DNAH14: variants seen among roughly 807,000 people sequenced by gnomAD.
DNAH14 encodes the protein dynein axonemal heavy chain 14, also known as axonemal beta dynein heavy chain 14.
DNAH14 carries 478 observed loss-of-function variants against 520.9 expected under a neutral mutation model. The ratio of observed to expected loss-of-function variants is 0.92; its 90% CI spans 0.85 to 0.99. The LOEUF is 0.99. Ranked by LOEUF, DNAH14 falls within the 50% of genes least tolerant of loss-of-function variation. The pLI is 0.00. For missense variants in DNAH14, 4,831 were observed against 5,234.5 expected (o/e 0.92, Z 2.38); for synonymous variants, 1,581 against 1,757.2 (o/e 0.90, Z 2.51).
intron 11 of DNAH14, among the ~76,000 whole-genome samples, chr1:225,033,226 CT>C (rs1367518253): frequency 1.3e-5 from 2 of 152,104 alleles, no homozygotes; most frequent in African/African-American, 4.8e-5. Context: ...GCATTTAAGT[CT>C]TTAATCCATC....
chr1:225,341,110 A>C (rs1452009478), intron 69 of DNAH14, among the ~76,000 whole-genome samples: 1 of 151,888 alleles, frequency 6.6e-6, no homozygotes, highest in Non-Finnish European at 1.5e-5. Context: ...ATTTTTCTTT[A>C]TTTTTTATTT....
intron 10 of DNAH14, among the ~76,000 whole-genome samples, chr1:225,021,375 T>G (rs193191588): frequency 1.3e-5 from 2 of 152,344 alleles, no homozygotes; most frequent in Non-Finnish European, 2.9e-5. Context: ...GATGATATGA[T>G]TCTCTATCTA....
At chr1:225,010,338 A>G (rs1438684227) in intron 10 of DNAH14, among the ~76,000 whole-genome samples, 1 of 152,194 alleles carries the variant, frequency 6.6e-6, no homozygotes, top group South Asian at 2.1e-4. Flanking sequence ...CCTTTTCTGC[A>G]TCTATTGAGA....
intron 12 of DNAH14, 92 bp from the exon 13 acceptor site, chr1:225,042,743 T>C: frequency 7.4e-7 from 1 of 1,358,350 alleles, no homozygotes; most frequent in Non-Finnish European, 9.9e-7. Context: ...GGAGTTATGA[T>C]TTCTCATTTA....
intron 1 of DNAH14, among the ~76,000 whole-genome samples, chr1:224,935,829 A>T (rs1293503876): frequency 6.6e-6 from 1 of 151,882 alleles, no homozygotes; most frequent in Non-Finnish European, 1.5e-5. Flanking sequence ...ACAAGTCTCA[A>T]CACATTTTTA....
At chr1:225,022,102 C>A (rs926597952) in intron 10 of DNAH14, among the ~76,000 whole-genome samples, 2 of 152,112 alleles carry the variant, frequency 1.3e-5, no homozygotes, top group South Asian at 2.1e-4. Context: ...AAAATTAACT[C>A]AAGATGGATT....
At chr1:225,086,753 G>A (rs1173057251) in intron 21 of DNAH14, among the ~76,000 whole-genome samples, 3 of 151,848 alleles carry the variant, frequency 2.0e-5, no homozygotes, top group Non-Finnish European at 4.4e-5. Context: ...AAAAAGGGCA[G>A]ACAAAATAAA....
At chr1:225,000,599 A>C (rs1390635287) in intron 8 of DNAH14, among the ~76,000 whole-genome samples, 2 of 139,304 alleles carry the variant, frequency 1.4e-5, no homozygotes, top group Admixed American at 7.7e-5. Context: ...CTGAGGTGGG[A>C]TCTCACTCTG....
intron 17 of DNAH14, among the ~76,000 whole-genome samples, chr1:225,066,747 T>A (rs1352593412): frequency 6.6e-6 from 1 of 152,024 alleles, no homozygotes; most frequent in Non-Finnish European, 1.5e-5. Flanking sequence ...GAACATATGA[T>A]ATTTGGTTTT....
chr1:225,147,263 G>T lies in DNAH14; in HGVS notation c.4940+14G>T. On this transcript the variant is annotated intron_variant, in intron 31 of 85. Coordinates refer to ENST00000682510, the MANE Select transcript of DNAH14 (RefSeq NM_001367479.1). Reference sequence around the variant, plus strand: ...CTATTCTGCCAGGTATTTGTCGAATGTGTTTATACCTTTTGAATTGAAATC... The same window carrying T: ...CTATTCTGCCAGGTATTTGTCGAATTTGTTTATACCTTTTGAATTGAAATC... 6.5e-7 allele frequency: 1 copy of T among 1,534,278 alleles called. No homozygotes were observed. Among genetic ancestry groups the T allele is most frequent in the Non-Finnish European group, 8.8e-7 (1 of 1,142,010 alleles).
At chr1:225,300,696 CTT>C (rs1284726496) in intron 55 of DNAH14, among the ~76,000 whole-genome samples, 171 bp from the exon 56 acceptor site, 2 of 150,138 alleles carry the variant, frequency 1.3e-5, no homozygotes, top group Non-Finnish European at 3.0e-5. Flanking sequence ...CAGGGTGAGA[CTT>C]TGTCTCAAAA....
chr1:225,168,336 C>A (rs2082239516), intron 36 of DNAH14, among the ~76,000 whole-genome samples: 2 of 152,230 alleles, frequency 1.3e-5, no homozygotes, highest in South Asian at 4.1e-4. Context: ...CGAGCGTGAG[C>A]CGAAGCAGGG....
At chr1:225,125,153 G>A (rs2077615326) in intron 27 of DNAH14, among the ~76,000 whole-genome samples, 1 of 152,212 alleles carries the variant, frequency 6.6e-6, no homozygotes, top group Admixed American at 6.5e-5. Flanking sequence ...AGCAGGGGCA[G>A]AGTAGATTAA....
chr1:225,064,685 A>G (rs553721373), intron 17 of DNAH14, among the ~76,000 whole-genome samples: 2 of 152,188 alleles, frequency 1.3e-5, no homozygotes, highest in East Asian at 1.9e-4. Context: ...ATGTGATTCC[A>G]TGTACTCATA....
chr1:225,031,532 A>G (rs1477466070), intron 11 of DNAH14, among the ~76,000 whole-genome samples: 1 of 152,020 alleles, frequency 6.6e-6, no homozygotes, highest in African/African-American at 2.4e-5. Context: ...CTCTAGAGTA[A>G]CCACTAAAAG....
chr1:225,312,231 G>A (rs1182142172), intron 60 of DNAH14, among the ~76,000 whole-genome samples: 1 of 152,112 alleles, frequency 6.6e-6, no homozygotes, highest in Non-Finnish European at 1.5e-5. Context: ...GTTTGCTCAT[G>A]ATTTGGCTCT....
At chr1:225,122,781 TAAAA>T (rs547796113) in intron 26 of DNAH14, among the ~76,000 whole-genome samples, 4 of 152,082 alleles carry the variant, frequency 2.6e-5, no homozygotes, top group Admixed American at 6.5e-5. Context: ...TCAGCAATGA[TAAAA>T]AAACAAAAAT....
chr1:225,190,670 T>C lies in DNAH14; in HGVS notation c.5671-2026T>C, dbSNP rs556480741. Among the ~76,000 whole-genome samples the C allele has an allele frequency of 3.9e-5, 6 of 151,946 alleles. No homozygotes were observed. The South Asian group carries it at 8.3e-4, about 21-fold the overall frequency. ...CTTGTGTACTTATAAGAAAAGGAAA[T>C]TTACAAACACAAAGTGACATTAGAG... On this transcript the variant is annotated intron_variant, in intron 37 of 85. Transcript: ENST00000682510.
rs1403055867 is a variant in DNAH14 at position 225,097,591 on chromosome 1, T to G, written c.3695+352T>G. ...GAGTTCAAGACCAGCCTGGCCAACA[T>G]GGTGAAACCCTGTCTTTACTAAACA... On this transcript the variant is annotated intron_variant, in intron 22 of 85. Coordinates refer to ENST00000682510, the MANE Select transcript of DNAH14 (RefSeq NM_001367479.1). Among the ~76,000 whole-genome samples the G allele has an allele frequency of 2.0e-5, 3 of 152,022 alleles. No individual in the cohort carries two copies. In the East Asian group the frequency reaches 5.9e-4, roughly 30 times the overall value.
Sources: allele counts gnomAD v4.1 joint callset (sites outside exome capture counted in the v4.1 genomes callset), GRCh38; gene constraint gnomAD v4.1.1; transcripts MANE v1.5; gene names NCBI Gene and HGNC (gene_info 2026-07-23, HGNC 2026-07-21).